The following L3MBTL1 variants were observed in gnomAD, a reference collection of about 807,000 sequenced individuals.
The protein encoded by L3MBTL1 is L3MBTL histone methyl-lysine binding protein 1.
Under a neutral mutation model 105.3 loss-of-function variants are expected in L3MBTL1, and 75 were observed. The observed-to-expected ratio is 0.71, with a 90% CI of 0.59 to 0.86. The LOEUF (loss-of-function observed/expected upper bound fraction) is 0.86. Ranked by LOEUF, L3MBTL1 falls within the 40% of genes least tolerant of loss-of-function variation. L3MBTL1 has a pLI of 0.00. For synonymous variants in L3MBTL1, 452 were observed against 436.2 expected, an observed-to-expected ratio of 1.04 and a Z score of -0.45; for missense variants, 1,069 against 1,126.4, an observed-to-expected ratio of 0.95 and a Z score of 0.73.
intron 18 of L3MBTL1, among the ~76,000 whole-genome samples, chr20:43,547,292 A>G (rs1257608932): frequency 2.0e-5 from 3 of 151,444 alleles, no homozygotes; most frequent in African/African-American, 7.3e-5. Context: ...TTTTAGTAGA[A>G]GCGGGGTTTC....
intron 15 of L3MBTL1, 130 bp from the exon 16 acceptor site, chr20:43,534,698 C>G: frequency 1.5e-6 from 1 of 655,014 alleles, no homozygotes; most frequent in South Asian, 1.9e-5. Flanking sequence ...CAGATTATTG[C>G]AGGGTTGGCC....
In L3MBTL1 at chr20:43,513,874, T is replaced by C. The variant is rs1281559137; in HGVS notation, c.173T>C (p.Leu58Pro). The C allele has an allele frequency of 6.4e-7, 1 of 1,550,530 alleles. No individual in the cohort carries two copies. The highest frequency in any genetic ancestry group is 1.4e-5 in the African/African-American group (1 of 73,066). ...ACCCTCGGCCTGCCCAGCAGTGCCC[T>C]GGATGTGTCTTGCTTTCCCCGGGAG... The part of the protein sequence containing the change: ...SATLGLPSSA[L>P]DVSCFPREPI... The change falls in exon 3 of 22, where the codon CTG becomes CCG. Residue 58 changes from leucine (L) to proline (P), a missense_variant. Leu to Pro is a moderately conservative substitution (Grantham distance 98). Transcript: ENST00000418998.
In L3MBTL1 at chr20:43,534,822, C is replaced by T. The variant is rs779336990; in HGVS notation, c.1711-6C>T. 1.6e-5 allele frequency: 26 copies of T among 1,605,568 alleles called. No individual in the cohort carries two copies. The highest frequency in any genetic ancestry group is 2.0e-5 in the Non-Finnish European group (24 of 1,175,404). On this transcript the variant is annotated splice_region_variant and splice_polypyrimidine_tract_variant and intron_variant, in intron 15 of 21. Transcript: ENST00000418998. ...CGCCTGACTTCCAAGAGCCTTTCCTCCCCAGATCCACTTTGATGGCTGGAG... is the reference window on the plus strand; with the variant it reads ...CGCCTGACTTCCAAGAGCCTTTCCTTCCCAGATCCACTTTGATGGCTGGAG...
exon 19 of L3MBTL1, chr20:43,548,457 G>A: frequency 6.4e-6 from 2 of 314,146 alleles, no homozygotes; most frequent in South Asian, 2.9e-5. Context: ...TCGTCACCAG[G>A]CATGTTGGTG....
rs530147894 is a variant in L3MBTL1, at chr20:43,514,201, G to T, written c.360+140G>T. The T allele has an allele frequency of 1.2e-5, 10 of 834,650 alleles. No individual in the cohort carries two copies. The Admixed American group carries it at 1.6e-4, about 13-fold the overall frequency. 51.7% of individuals were successfully genotyped at this position (834,650 alleles called of 1,614,324 possible). On this transcript the variant is annotated intron_variant, in intron 3 of 21. Transcript: ENST00000418998. ...CCCTAGGGGTGGGCTTTGAGTGAGG[G>T]ACTCTCGGGGCGTGGCTTGAGTTGA... is the stretch of plus-strand genomic sequence containing the variant.
At chr20:43,508,317 C>A (rs1014854773) in intron 1 of L3MBTL1, among the ~76,000 whole-genome samples, 2 of 152,114 alleles carry the variant, frequency 1.3e-5, no homozygotes, top group African/African-American at 4.8e-5. Flanking sequence ...TTGCCTATAC[C>A]AGTCCCGGGA....
Position 43,529,350 on chromosome 20 carries a change from C to A in L3MBTL1, c.1038C>A (p.Phe346Leu). The part of the protein sequence containing the change: ...GIDPQHPSMY[F>L]ILTVAEVCGY... ...ACCCTCAACACCCGTCCATGTACTT[C>A]ATCCTCACCGTGGCTGAGGTGAGCT... The change falls in exon 9 of 22, where the codon TTC (phenylalanine) becomes TTA (leucine). Residue 346 changes from phenylalanine (F) to leucine (L), a missense_variant. Transcript: ENST00000418998. 6.2e-7 allele frequency: 1 copy of A among 1,612,288 alleles called. No homozygotes were observed. The highest frequency in any genetic ancestry group is 8.5e-7 in the Non-Finnish European group (1 of 1,179,166).
downstream of L3MBTL1, among the ~76,000 whole-genome samples, chr20:43,545,717 G>GTAGAAAGGAAGCT (rs1978553657): frequency 6.6e-6 from 1 of 152,238 alleles, no homozygotes; most frequent in Non-Finnish European, 1.5e-5. Flanking sequence ...CTTAATGCAG[G>GTAGAAAGGAAGCT]TAATCTCATC....
chr20:43,544,158 C>T (rs1978421069), downstream of L3MBTL1, among the ~76,000 whole-genome samples: 1 of 152,172 alleles, frequency 6.6e-6, no homozygotes, highest in African/African-American at 2.4e-5. Flanking sequence ...TTCCTGCTTC[C>T]CAAATGTCTG....
chr20:43,515,452 A>G, intron 6 of L3MBTL1, 37 bp downstream of exon 6: 3 of 1,542,004 alleles, frequency 1.9e-6, no homozygotes, highest in Non-Finnish European at 2.6e-6. Context: ...GGGGGAAGCT[A>G]TAGCCTATGC....
Position 43,536,081 on chromosome 20 carries a change from G to GTC in L3MBTL1, c.1926-12_1926-11dup. The GTC allele has an allele frequency of 6.2e-7, 1 of 1,612,406 alleles. No individual in the cohort carries two copies. The highest frequency in any genetic ancestry group is 2.2e-5 in the East Asian group (1 of 44,884). ...GACCAGTGGATTAAACCCAACTGAA[G>GTC]TCTCTTCTTCCCCAGGAAGTGCCCC... On this transcript the variant is annotated splice_polypyrimidine_tract_variant and intron_variant, in intron 17 of 21. Coordinates refer to ENST00000418998, the MANE Select transcript of L3MBTL1 (RefSeq NM_001377303.1).
At chr20:43,546,628 C>T (rs1160714128), downstream of L3MBTL1, among the ~76,000 whole-genome samples, 1 of 152,070 alleles carries the variant, frequency 6.6e-6, no homozygotes, top group East Asian at 1.9e-4. Context: ...ACAGCGTCCC[C>T]CAGCTCAGTC....
rs2019931907 is a variant in L3MBTL1, at chr20:43,541,879, A to G, written c.*751A>G. On this transcript the variant is annotated 3_prime_UTR_variant, in exon 22 of 22. Coordinates refer to ENST00000418998, the MANE Select transcript of L3MBTL1 (RefSeq NM_001377303.1). ...CTGCTATGGTGGGAACACAATAAAC[A>G]CCAGTTTTGACTTTTAGTGCATAGT... 1 of 985,316 alleles carries G rather than the reference A, an allele frequency of 1.0e-6. No homozygotes were observed. Among genetic ancestry groups the G allele is most frequent in the African/African-American group, 1.7e-5 (1 of 57,248 alleles). 61.0% of individuals were successfully genotyped at this position (985,316 alleles called of 1,614,324 possible). A position where few individuals can be genotyped will look rare whatever the true frequency, so the allele number is the denominator to read the frequency against.
intron 12 of L3MBTL1, 46 bp downstream of exon 12, chr20:43,532,970 AG>A (rs777311165): frequency 1.9e-6 from 3 of 1,600,924 alleles, no homozygotes; most frequent in Admixed American, 1.7e-5. Context: ...AGGGGATGGC[AG>A]GGGGCAACTG....
At chr20:43,514,530 A>G in intron 3 of L3MBTL1, 105 bp from the exon 4 acceptor site, 1 of 1,572,430 alleles carries the variant, frequency 6.4e-7, no homozygotes, top group Non-Finnish European at 8.6e-7. Flanking sequence ...AGGCCTGCTG[A>G]GGGCGTGAGC....
intron 7 of L3MBTL1, among the ~76,000 whole-genome samples, chr20:43,526,700 CTGTAA>C (rs1451876811): frequency 1.3e-5 from 2 of 152,176 alleles, no homozygotes; most frequent in African/African-American, 2.4e-5. Flanking sequence ...TGGTTCATGC[CTGTAA>C]TCCCAGCACT....
Position 43,514,071 on chromosome 20 carries a change from T to C in L3MBTL1, c.360+10T>C. 1 of 1,530,004 alleles carries C rather than the reference T, an allele frequency of 6.5e-7. No homozygotes were observed. The allele number at this position is 1,530,004 out of a possible 1,614,324, so 94.8% of individuals were successfully genotyped here. A position where few individuals can be genotyped will look rare whatever the true frequency, so the allele number is the denominator to read the frequency against. On this transcript the variant is annotated intron_variant, in intron 3 of 21. Transcript: ENST00000418998. ...AGGGGGCGGCCTGCGGGTCAGTGTC[T>C]GTGGGGATTGGCTAAGCCTCGTAAA...
exon 19 of L3MBTL1, chr20:43,548,812 CT>C (rs1978801110): frequency 1.3e-5 from 2 of 152,410 alleles, no homozygotes; most frequent in South Asian, 4.1e-4. Context: ...GCTCTTCCCC[CT>C]GAGATATGTG....
chr20:43,530,877 G>A lies in L3MBTL1; in HGVS notation c.1272G>A (p.Val424=), dbSNP rs1333820586. 1 of 1,613,516 alleles carries A rather than the reference G, an allele frequency of 6.2e-7. No homozygotes were observed. Among genetic ancestry groups the A allele is most frequent in the African/African-American group, 1.3e-5 (1 of 74,912 alleles). ...AGGCTGCCCCCAAGCACCTGTTTGT[G>A]AGCCAGAGCCACGTGAGTGCCCCTG... The part of the protein sequence containing the change: ...RAQAAPKHLF[V]SQSHSPPPLG... Residue 424 remains valine (V), a synonymous_variant, in exon 11 of 22, where the codon GTG becomes GTA. Coordinates refer to ENST00000418998, the MANE Select transcript of L3MBTL1 (RefSeq NM_001377303.1).
Sources: allele counts gnomAD v4.1 joint callset (sites outside exome capture counted in the v4.1 genomes callset), GRCh38; gene constraint gnomAD v4.1.1; transcripts MANE v1.5; gene names NCBI Gene and HGNC (gene_info 2026-07-23, HGNC 2026-07-21).